ATAD2: variants seen among roughly 807,000 people sequenced by gnomAD.
ATAD2 encodes ATPase family AAA domain-containing protein 2.
In ATAD2, 62 loss-of-function variants were observed where a neutral mutation model predicts 168.9. The observed-to-expected ratio is 0.37, with a 90% CI of 0.30 to 0.45. ATAD2 has a LOEUF of 0.45. ATAD2 is among the 20% of genes least tolerant of loss of function. The pLI is 1.00. For missense variants in ATAD2, 1,419 were observed against 1,667.8 expected (o/e 0.85, Z 2.60); for synonymous variants, 613 against 571.6 (o/e 1.07, Z -1.03).
chr8:123,360,614 G>A (rs2131364876), intron 9 of ATAD2, among the ~76,000 whole-genome samples: 1 of 152,152 alleles, frequency 6.6e-6, no homozygotes, highest in African/African-American at 2.4e-5. Context: ...AGGTGTGGTG[G>A]CTCATGCCGG....
intron 2 of ATAD2, among the ~76,000 whole-genome samples, chr8:123,376,735 G>T (rs1364544213): frequency 6.6e-6 from 1 of 150,970 alleles, no homozygotes; most frequent in Non-Finnish European, 1.5e-5. Context: ...CAGGGGGATT[G>T]CTAGAGTCCA....
intron 1 of ATAD2, among the ~76,000 whole-genome samples, chr8:123,394,159 G>C (rs1394093640): frequency 5.3e-5 from 8 of 151,314 alleles, no homozygotes; most frequent in Admixed American, 5.3e-4. Context: ...AGCTGACAAT[G>C]ACTGAATCCT....
chr8:123,330,936 AT>A (rs1827759352), intron 24 of ATAD2, among the ~76,000 whole-genome samples: 1 of 151,892 alleles, frequency 6.6e-6, no homozygotes, highest in Non-Finnish European at 1.5e-5. Flanking sequence ...TTCTTTCTTT[AT>A]TTTTTGAGAC....
chr8:123,387,482 C>T (rs920804089), intron 1 of ATAD2, among the ~76,000 whole-genome samples: 4 of 152,100 alleles, frequency 2.6e-5, no homozygotes, highest in Admixed American at 2.6e-4. Flanking sequence ...GGGACTTTCA[C>T]TTTCTATTTT....
chr8:123,359,953 C>G (rs1828763578), intron 9 of ATAD2, among the ~76,000 whole-genome samples: 1 of 152,120 alleles, frequency 6.6e-6, no homozygotes, highest in African/African-American at 2.4e-5. Context: ...TAAAGTGATT[C>G]ACGGTGGTGA....
Position 123,337,614 on chromosome 8 carries a change from T to C in ATAD2, c.3051+11A>G. The C allele has an allele frequency of 6.3e-7, 1 of 1,581,486 alleles. No individual in the cohort carries two copies. The highest frequency in any genetic ancestry group is 8.6e-7 in the Non-Finnish European group (1 of 1,165,038). On this transcript the variant is annotated intron_variant, in intron 21 of 27. Coordinates refer to ENST00000287394, the MANE Select transcript of ATAD2 (RefSeq NM_014109.4). Reference sequence around the variant, plus strand: ...CCTAGAATACACTTGATCCAAAGATTAAACTAATACCTCATCAGGGTCAAC... The same window carrying C: ...CCTAGAATACACTTGATCCAAAGATCAAACTAATACCTCATCAGGGTCAAC...
chr8:123,343,603 G>GA (rs994590165), intron 19 of ATAD2, among the ~76,000 whole-genome samples: 1 of 151,504 alleles, frequency 6.6e-6, no homozygotes, highest in African/African-American at 2.4e-5. Context: ...TCAAAAGTGT[G>GA]AAAAAAAACC....
At chr8:123,367,130 C>G (rs1337932230) in intron 8 of ATAD2, among the ~76,000 whole-genome samples, 1 of 152,128 alleles carries the variant, frequency 6.6e-6, no homozygotes, top group Admixed American at 6.6e-5. Flanking sequence ...TAACCAATAA[C>G]TCGGCCGGGT....
intron 4 of ATAD2, among the ~76,000 whole-genome samples, 165 bp downstream of exon 4, chr8:123,371,505 T>C (rs1829146527): frequency 6.6e-6 from 1 of 152,196 alleles, no homozygotes; most frequent in Non-Finnish European, 1.5e-5. Flanking sequence ...TTTCCAAGAA[T>C]AGAGACATAT....
At chr8:123,406,689 C>T (rs955904036) in intron 1 of ATAD2, among the ~76,000 whole-genome samples, 7 of 151,722 alleles carry the variant, frequency 4.6e-5, no homozygotes, top group African/African-American at 1.2e-4. Flanking sequence ...TTGTGGTGCA[C>T]GCCAGTACTC....
intron 1 of ATAD2, among the ~76,000 whole-genome samples, chr8:123,384,453 T>TG (rs1422112786): frequency 4.6e-5 from 7 of 152,230 alleles, no homozygotes; most frequent in African/African-American, 1.7e-4. Flanking sequence ...TCATGGTCAT[T>TG]GATCCATCTC....
At chr8:123,382,428 C>T (rs2129865703) in intron 1 of ATAD2, among the ~76,000 whole-genome samples, 1 of 152,212 alleles carries the variant, frequency 6.6e-6, no homozygotes, top group South Asian at 2.1e-4. Context: ...ATACTTACAC[C>T]TTGGGTGGTG....
chr8:123,353,431 A>G (rs1828537128), intron 13 of ATAD2, among the ~76,000 whole-genome samples: 1 of 152,130 alleles, frequency 6.6e-6, no homozygotes, highest in Non-Finnish European at 1.5e-5. Flanking sequence ...ACAACATAAA[A>G]AAGTGATTTT....
At chr8:123,409,884 C>T (rs923086401) in intron 1 of ATAD2, among the ~76,000 whole-genome samples, 1 of 141,210 alleles carries the variant, frequency 7.1e-6, no homozygotes, top group African/African-American at 2.6e-5. Flanking sequence ...TGCAGTGAGC[C>T]GAGATTGCAC....
intron 2 of ATAD2, among the ~76,000 whole-genome samples, chr8:123,377,500 A>G (rs1182936826): frequency 6.6e-6 from 1 of 152,176 alleles, no homozygotes; most frequent in African/African-American, 2.4e-5. Flanking sequence ...TTTTTGTATG[A>G]CTATGTAAAC....
chr8:123,361,445 G>A (rs1828819534), intron 9 of ATAD2, 94 bp downstream of exon 9: 1 of 943,546 alleles, frequency 1.1e-6, no homozygotes, highest in East Asian at 2.5e-5. Context: ...TTTTTAATCA[G>A]CCAGCCTATA....
intron 2 of ATAD2, among the ~76,000 whole-genome samples, chr8:123,375,557 G>C (rs1022844525): frequency 1.3e-5 from 2 of 152,164 alleles, no homozygotes; most frequent in Non-Finnish European, 2.9e-5. Context: ...ATAAAAATGT[G>C]TATACCTACA....
At chr8:123,334,593 C>G (rs1269519057) in intron 22 of ATAD2, among the ~76,000 whole-genome samples, 1 of 151,814 alleles carries the variant, frequency 6.6e-6, no homozygotes, top group East Asian at 1.9e-4. Flanking sequence ...AAAAAGGAAT[C>G]AATCAATAGC....
intron 19 of ATAD2, among the ~76,000 whole-genome samples, chr8:123,343,872 G>A (rs2131316616): frequency 6.6e-6 from 1 of 152,314 alleles, no homozygotes; most frequent in South Asian, 2.1e-4. Flanking sequence ...GGTGATATCT[G>A]AGCAGAGATT....
Sources: gnomAD v4.1 joint callset for allele counts (sites outside exome capture counted in the v4.1 genomes callset) on GRCh38, gnomAD v4.1.1 for gene constraint, MANE v1.5 for transcripts, NCBI Gene and HGNC (gene_info 2026-07-23, HGNC 2026-07-21) for gene names.